SVIL: variants seen among roughly 807,000 people sequenced by gnomAD.
SVIL encodes the protein supervillin, also known as archvillin.
Under a neutral mutation model 240.4 loss-of-function variants are expected in SVIL, and 101 were observed. That is an observed-to-expected ratio of 0.42 (90% CI 0.36 to 0.50). The LOEUF (loss-of-function observed/expected upper bound fraction) is 0.50. SVIL is among the 20% of genes least tolerant of loss of function. The pLI is 0.01. For missense variants in SVIL, 2,512 were observed against 2,818.7 expected, an observed-to-expected ratio of 0.89 and a Z score of 2.46; for synonymous variants, 999 against 1,100.0, an observed-to-expected ratio of 0.91 and a Z score of 1.82.
intron 1 of SVIL, among the ~76,000 whole-genome samples, chr10:29,583,801 C>T (rs1444081931): frequency 6.6e-6 from 1 of 152,168 alleles, no homozygotes; most frequent in Non-Finnish European, 1.5e-5. Flanking sequence ...GAGGTCATGA[C>T]ACAAAATAAA....
chr10:29,585,666 C>T (rs1213777721), intron 1 of SVIL, among the ~76,000 whole-genome samples: 2 of 152,120 alleles, frequency 1.3e-5, no homozygotes, highest in Non-Finnish European at 2.9e-5. Flanking sequence ...AAAATACACA[C>T]ACACACACAC....
chr10:29,689,651 G>A (rs957987212), intron 1 of SVIL, among the ~76,000 whole-genome samples: 3 of 152,200 alleles, frequency 2.0e-5, no homozygotes, highest in African/African-American at 7.2e-5. Context: ...CTTGTTATTG[G>A]AGTATTCATG....
At chr10:29,706,777 ATATT>A (rs1170111164) in intron 1 of SVIL, among the ~76,000 whole-genome samples, 1 of 152,066 alleles carries the variant, frequency 6.6e-6, no homozygotes, top group African/African-American at 2.4e-5. Flanking sequence ...TTTGGGTTTT[ATATT>A]TAAGTCTTCA....
At chr10:29,647,049 C>T (rs1958681242) in intron 3 of SVIL, 1 of 152,192 alleles carries the variant, frequency 6.6e-6, no homozygotes, top group East Asian at 1.9e-4. Flanking sequence ...CAGAGAATGA[C>T]CTAGAAACCC....
intron 2 of SVIL, among the ~76,000 whole-genome samples, chr10:29,660,609 G>C (rs1273832433): frequency 1.3e-5 from 2 of 152,024 alleles, no homozygotes; most frequent in African/African-American, 4.8e-5. Context: ...TTCTGGTGGG[G>C]GGAACGGGCC....
chr10:29,512,807 C>T lies in SVIL; in HGVS notation c.3444G>A (p.Arg1148=), dbSNP rs750000482. The T allele has an allele frequency of 2.5e-6, 4 of 1,613,074 alleles. No homozygotes were observed. The highest frequency in any genetic ancestry group is 3.3e-5 in the Admixed American group (2 of 60,026). ...GEEDWRNRLS[R]RQEGGKAPAS... ...CCGGCGCCTTGCCGCCCTCCTGCCT[C>T]CTGCTGAGTCTGTTTCTCCAATCTT... Residue 1148 remains arginine, a synonymous_variant, in exon 17 of 38, where the codon AGG becomes AGA. Transcript: ENST00000355867.
intron 17 of SVIL, among the ~76,000 whole-genome samples, chr10:29,505,341 A>AATG (rs1949195781): frequency 6.6e-6 from 1 of 152,000 alleles, no homozygotes; most frequent in South Asian, 2.1e-4. Context: ...TAATAATAAT[A>AATG]ATCATAATAA....
At chr10:29,525,412 G>A (rs1407657951) in intron 13 of SVIL, among the ~76,000 whole-genome samples, 1 of 152,108 alleles carries the variant, frequency 6.6e-6, no homozygotes, top group Non-Finnish European at 1.5e-5. Context: ...TTAGGAGTTG[G>A]AGACTAGCCT....
chr10:29,517,952 A>G (rs1950322795), intron 16 of SVIL, among the ~76,000 whole-genome samples: 1 of 152,256 alleles, frequency 6.6e-6, no homozygotes, highest in Non-Finnish European at 1.5e-5. Context: ...AAGTTCCCAA[A>G]CAGGGATAAT....
At chr10:29,615,876 T>C (rs1357834158) in intron 1 of SVIL, among the ~76,000 whole-genome samples, 1 of 152,156 alleles carries the variant, frequency 6.6e-6, no homozygotes, top group Non-Finnish European at 1.5e-5. Flanking sequence ...TAATTCAGAG[T>C]TTGCCATAAA....
intron 1 of SVIL, among the ~76,000 whole-genome samples, chr10:29,703,710 A>G (rs1962686708): frequency 6.6e-6 from 1 of 152,186 alleles, no homozygotes; most frequent in Admixed American, 6.5e-5. Context: ...TCTCATCCCA[A>G]ATGGGATTCC....
At chr10:29,537,068 T>C (rs1216045151) in intron 6 of SVIL, among the ~76,000 whole-genome samples, 1 of 152,086 alleles carries the variant, frequency 6.6e-6, no homozygotes, top group Non-Finnish European at 1.5e-5. Context: ...AATATAAAAA[T>C]AGCATCTATG....
At chr10:29,561,939 G>C (rs1954514938) in intron 3 of SVIL, among the ~76,000 whole-genome samples, 2 of 152,158 alleles carry the variant, frequency 1.3e-5, no homozygotes, top group African/African-American at 4.8e-5. Flanking sequence ...CCTTCACCAG[G>C]CCAAATCCCC....
chr10:29,552,984 C>T (rs1008659175), intron 5 of SVIL, among the ~76,000 whole-genome samples: 7 of 152,018 alleles, frequency 4.6e-5, no homozygotes, highest in South Asian at 4.1e-4. Flanking sequence ...ATATTTCAAG[C>T]GTGTAATTAC....
chr10:29,601,550 C>T (rs150061890), intron 1 of SVIL, among the ~76,000 whole-genome samples: 3 of 152,262 alleles, frequency 2.0e-5, no homozygotes, highest in East Asian at 1.9e-4. Context: ...TTGCCATAGG[C>T]GCATTTCAGG....
At chr10:29,666,521 C>T (rs1436263879) in intron 2 of SVIL, among the ~76,000 whole-genome samples, 1 of 152,172 alleles carries the variant, frequency 6.6e-6, no homozygotes, top group Non-Finnish European at 1.5e-5. Context: ...TCCACTGCCT[C>T]GTACAGACGA....
chr10:29,586,704 G>A (rs1220854165), intron 1 of SVIL, among the ~76,000 whole-genome samples: 5 of 152,026 alleles, frequency 3.3e-5, no homozygotes, highest in Non-Finnish European at 2.9e-5. Flanking sequence ...GGAATACTAC[G>A]CAGCCATAAA....
chr10:29,572,456 G>A (rs1246936220), intron 1 of SVIL, among the ~76,000 whole-genome samples: 1 of 152,112 alleles, frequency 6.6e-6, no homozygotes, highest in African/African-American at 2.4e-5. Context: ...AATAGTAAAA[G>A]CAACTGATTC....
intron 29 of SVIL, among the ~76,000 whole-genome samples, chr10:29,475,924 ATATT>A (rs1359171599): frequency 6.6e-6 from 1 of 152,254 alleles, no homozygotes; most frequent in East Asian, 1.9e-4. Context: ...GTAGGGGGTC[ATATT>A]TATTTGATTT....
Sources: gnomAD v4.1 joint callset for allele counts (sites outside exome capture counted in the v4.1 genomes callset) on GRCh38, gnomAD v4.1.1 for gene constraint, MANE v1.5 for transcripts, NCBI Gene and HGNC (gene_info 2026-07-23, HGNC 2026-07-21) for gene names.